Variants in THSD7B observed in about 807,000 individuals in gnomAD.
THSD7B encodes thrombospondin type-1 domain-containing protein 7B.
Under a neutral mutation model 213.6 loss-of-function variants are expected in THSD7B, and 138 were observed. That is an observed-to-expected ratio of 0.65 (90% CI 0.56 to 0.74). The LOEUF (loss-of-function observed/expected upper bound fraction) is 0.74. THSD7B is among the 30% of genes least tolerant of loss of function. The probability of loss-of-function intolerance (pLI) is 0.00; values close to 1 mark genes in which losing one functional copy is unlikely to be tolerated. For missense variants in THSD7B, 1,931 were observed against 1,991.5 expected (o/e 0.97, Z 0.58); for synonymous variants, 742 against 687.0 (o/e 1.08, Z -1.25).
chr2:137,169,666 A>G (rs985744283), intron 6 of THSD7B, among the ~76,000 whole-genome samples: 1 of 152,198 alleles, frequency 6.6e-6, no homozygotes, highest in African/African-American at 2.4e-5. Context: ...AAGGAATTAA[A>G]GGAATCTGTT....
At chr2:137,632,308 T>A (rs1682756810) in intron 20 of THSD7B, among the ~76,000 whole-genome samples, 1 of 152,184 alleles carries the variant, frequency 6.6e-6, no homozygotes, top group Non-Finnish European at 1.5e-5. Context: ...CCCTCTGAAT[T>A]TTAAACCTTC....
chr2:137,033,002 A>G (rs1429335733), intron 2 of THSD7B, among the ~76,000 whole-genome samples: 1 of 152,216 alleles, frequency 6.6e-6, no homozygotes, highest in Admixed American at 6.5e-5. Flanking sequence ...TATCTGCCTT[A>G]TTAAACAGAG....
intron 15 of THSD7B, among the ~76,000 whole-genome samples, chr2:137,554,665 C>G (rs1201517433): frequency 6.6e-6 from 1 of 152,064 alleles, no homozygotes; most frequent in Non-Finnish European, 1.5e-5. Context: ...ACTGAGGTAC[C>G]AGGTTCATCT....
At position 137,405,718 on chromosome 2, in the gene THSD7B, G is replaced by A. The variant is rs59921775; in HGVS notation, c.2606G>A (p.Arg869Gln). 3.7e-6 allele frequency: 6 copies of A among 1,613,718 alleles called. No individual in the cohort carries two copies. The highest frequency in any genetic ancestry group is 2.2e-5 in the East Asian group (1 of 44,820). ...GTGCAAGAATGCACAGTCCCATGTCGAGAAGACTGCACCTTCACTGCTTGG... is the reference window on the plus strand; with the variant it reads ...GTGCAAGAATGCACAGTCCCATGTCAAGAAGACTGCACCTTCACTGCTTGG... ...LLVQECTVPCREDCTFTAWSK... is the reference protein window; with the variant it reads ...LLVQECTVPCQEDCTFTAWSK... The change falls in exon 13 of 28, where the codon CGA (arginine) becomes CAA (glutamine). Residue 869 changes from arginine to glutamine, a missense_variant. Coordinates refer to ENST00000409968, the MANE Select transcript of THSD7B (RefSeq NM_001316349.2).
chr2:136,984,580 G>A (rs964353606), intron 2 of THSD7B, among the ~76,000 whole-genome samples: 2 of 152,078 alleles, frequency 1.3e-5, no homozygotes, highest in Non-Finnish European at 1.5e-5. Context: ...GTAGAACCAT[G>A]ATCTAATTAA....
chr2:137,220,614 C>T (rs995226), intron 7 of THSD7B, among the ~76,000 whole-genome samples: 90,797 of 152,022 alleles, frequency 0.6, 27,531 homozygotes, highest in South Asian at 0.71. Context: ...CAAAAGAGTG[C>T]AGACACTTTG....
intron 1 of THSD7B, among the ~76,000 whole-genome samples, 187 bp downstream of exon 1, chr2:136,765,874 G>A (rs533469382): frequency 7.9e-5 from 12 of 152,336 alleles, no homozygotes; most frequent in Admixed American, 7.2e-4. Context: ...GGATCTTCTC[G>A]GACGCCTCTG....
intron 12 of THSD7B, among the ~76,000 whole-genome samples, chr2:137,308,581 A>T (rs1485171462): frequency 6.6e-6 from 1 of 151,978 alleles, no homozygotes; most frequent in African/African-American, 2.4e-5. Context: ...ACAAGCAACA[A>T]TTTTTTGTTT....
chr2:137,246,420 G>A (rs578113372), intron 10 of THSD7B, among the ~76,000 whole-genome samples: 50 of 152,220 alleles, frequency 3.3e-4, no homozygotes, highest in African/African-American at 1.2e-3. Flanking sequence ...CTCAAACCAC[G>A]TTCATTCTAA....
intron 1 of THSD7B, among the ~76,000 whole-genome samples, chr2:136,766,569 G>A (rs1000149488): frequency 3.3e-5 from 5 of 152,178 alleles, no homozygotes; most frequent in African/African-American, 1.2e-4. Context: ...TGCAGGGGAC[G>A]AGGGAATGTT....
chr2:137,417,358 C>A (rs1156274445), intron 14 of THSD7B, among the ~76,000 whole-genome samples: 1 of 152,128 alleles, frequency 6.6e-6, no homozygotes, highest in African/African-American at 2.4e-5. Context: ...CTGAAAATTA[C>A]ATCTTTATTA....
At chr2:137,611,956 T>G (rs1682297626) in intron 17 of THSD7B, among the ~76,000 whole-genome samples, 1 of 152,202 alleles carries the variant, frequency 6.6e-6, no homozygotes, top group Non-Finnish European at 1.5e-5. Context: ...GCATTTAATG[T>G]ATTTTCAAAA....
At chr2:137,272,411 C>T in intron 10 of THSD7B, 122 bp from the exon 11 acceptor site, 4 of 976,696 alleles carry the variant, frequency 4.1e-6, no homozygotes, top group South Asian at 3.8e-5. Context: ...ATTTTCGTTC[C>T]CAGGTTGACT....
intron 2 of THSD7B, among the ~76,000 whole-genome samples, chr2:136,968,569 G>A (rs552374805): frequency 6.6e-5 from 10 of 151,980 alleles, no homozygotes; most frequent in African/African-American, 9.6e-5. Flanking sequence ...CTGTATTTTC[G>A]CTTTCCTTGT....
At chr2:137,563,444 C>G in intron 16 of THSD7B, 90 bp downstream of exon 16, 2 of 1,481,736 alleles carry the variant, frequency 1.3e-6, no homozygotes, top group Non-Finnish European at 1.8e-6. Flanking sequence ...TCCAAGTACA[C>G]TCTGATTTTC....
intron 3 of THSD7B, among the ~76,000 whole-genome samples, chr2:137,091,313 A>C (rs1687944460): frequency 6.6e-6 from 1 of 152,228 alleles, no homozygotes. Flanking sequence ...CTTTAGCTGT[A>C]TACAGAGAAT....
chr2:137,551,179 A>C (rs1680840899), intron 15 of THSD7B, among the ~76,000 whole-genome samples: 1 of 152,044 alleles, frequency 6.6e-6, no homozygotes. Context: ...TGTTATATGC[A>C]TATATAAGCA....
intron 1 of THSD7B, among the ~76,000 whole-genome samples, chr2:136,796,163 G>T (rs1056205338): frequency 6.6e-6 from 1 of 150,996 alleles, no homozygotes; most frequent in African/African-American, 2.4e-5. Context: ...AGTAGTTTCC[G>T]TAGGACCTCT....
chr2:136,946,751 G>A (rs1341882040), intron 2 of THSD7B, among the ~76,000 whole-genome samples: 1 of 152,220 alleles, frequency 6.6e-6, no homozygotes, highest in African/African-American at 2.4e-5. Flanking sequence ...TACTGCGCTA[G>A]CAGTGAGCAA....
Sources: allele counts gnomAD v4.1 joint callset (sites outside exome capture counted in the v4.1 genomes callset), GRCh38; gene constraint gnomAD v4.1.1; transcripts MANE v1.5; gene names NCBI Gene and HGNC (gene_info 2026-07-23, HGNC 2026-07-21).